CCDC192: variants seen among roughly 807,000 people sequenced by gnomAD.
CCDC192 encodes the protein coiled-coil domain-containing protein 192.
chr5:127,755,156 GGCCCT>G (rs1325630121), intron 3 of CCDC192, among the ~76,000 whole-genome samples: 2 of 152,116 alleles, frequency 1.3e-5, no homozygotes, highest in African/African-American at 4.8e-5. Context: ...GGATGGAGGA[GGCCCT>G]GCAATGTTAG....
intron 1 of CCDC192, among the ~76,000 whole-genome samples, chr5:127,706,355 C>T (rs1042390461): frequency 4.0e-5 from 6 of 151,780 alleles, no homozygotes; most frequent in Middle Eastern, 6.8e-3. Context: ...GGTGAAACCC[C>T]GTCTCTACCA....
chr5:127,711,680 A>G (rs942819636), intron 2 of CCDC192, among the ~76,000 whole-genome samples: 14 of 152,196 alleles, frequency 9.2e-5, no homozygotes, highest in African/African-American at 3.4e-4. Flanking sequence ...AAGGTTATCA[A>G]TATATCATTT....
chr5:127,797,731 GTATATATATATATATATATATATATA>G (rs146458343), intron 4 of CCDC192, among the ~76,000 whole-genome samples: 66 of 21,044 alleles, frequency 3.1e-3, no homozygotes, highest in East Asian at 5.4e-3. Flanking sequence ...TCATGTGAAG[GTATATATATATATATATATATATATA>G]TATATATATA....
chr5:127,781,932 C>G (rs556938788), intron 3 of CCDC192, among the ~76,000 whole-genome samples: 1 of 152,250 alleles, frequency 6.6e-6, no homozygotes, highest in Admixed American at 6.5e-5. Flanking sequence ...AGAGAATATG[C>G]TTTCAACTTT....
At chr5:127,717,761 G>T (rs1237516601) in intron 2 of CCDC192, among the ~76,000 whole-genome samples, 3 of 151,696 alleles carry the variant, frequency 2.0e-5, no homozygotes, top group Non-Finnish European at 4.4e-5. Context: ...GTCATTGTGA[G>T]GGCTCTATCC....
chr5:127,820,319 C>T lies in CCDC192; in HGVS notation c.411+22157C>T, dbSNP rs541456715. Among the ~76,000 whole-genome samples, 14 of 152,336 alleles carry T rather than the reference C, an allele frequency of 9.2e-5. No individual in the cohort carries two copies. The East Asian group carries it at 2.1e-3, about 23-fold the overall frequency. On this transcript the variant is annotated intron_variant, in intron 5 of 6. Coordinates refer to ENST00000514853, the MANE Select transcript of CCDC192 (RefSeq NM_001317938.2). ...AATGTCGGCTGGGTGTGGTGGCTCA[C>T]GCCTGTAATCCCAGCACTTTGGGAG... is the stretch of plus-strand genomic sequence containing the variant.
chr5:127,933,805 A>G (rs772541710), intron 6 of CCDC192, among the ~76,000 whole-genome samples: 1 of 152,210 alleles, frequency 6.6e-6, no homozygotes, highest in Non-Finnish European at 1.5e-5. Context: ...AATGCTTTAT[A>G]AAAGAATCTT....
intron 3 of CCDC192, among the ~76,000 whole-genome samples, chr5:127,792,820 AAGAAGAAGGAGG>A (rs1756953628): frequency 6.7e-6 from 1 of 149,598 alleles, no homozygotes; most frequent in African/African-American, 2.5e-5. Flanking sequence ...GAGGAAGAAG[AAGAAGAAGGAGG>A]AGGAGGAGGA....
chr5:127,902,203 G>T (rs1753055415), intron 6 of CCDC192, among the ~76,000 whole-genome samples: 1 of 151,996 alleles, frequency 6.6e-6, no homozygotes, highest in Non-Finnish European at 1.5e-5. Flanking sequence ...ACCTGAGATG[G>T]GGAGGTTTCA....
At position 127,936,800 on chromosome 5, in the gene CCDC192, C is replaced by T. The variant is rs376738069; in HGVS notation, c.536-4382C>T. On this transcript the variant is annotated intron_variant, in intron 6 of 6. Coordinates refer to ENST00000514853, the MANE Select transcript of CCDC192 (RefSeq NM_001317938.2). ...TCAGATAACAGCACCTCCAGGCTTC[C>T]GGGAGACCCGCCTTGGCAAGACTGA... Among the ~76,000 whole-genome samples the T allele has an allele frequency of 5.3e-5, 8 of 152,270 alleles. No homozygotes were observed. The East Asian group carries it at 5.8e-4, about 11-fold the overall frequency.
intron 5 of CCDC192, among the ~76,000 whole-genome samples, chr5:127,838,023 C>T (rs1261462443): frequency 6.6e-6 from 1 of 152,100 alleles, no homozygotes; most frequent in Non-Finnish European, 1.5e-5. Context: ...GGCCAGATTC[C>T]ATAACATAGA....
intron 6 of CCDC192, among the ~76,000 whole-genome samples, chr5:127,925,263 T>TAACTCTATTACCA (rs776151748): frequency 1.3e-5 from 2 of 152,022 alleles, no homozygotes; most frequent in African/African-American, 4.8e-5. Context: ...TATCAGAAGA[T>TAACTCTATTACCA]TTCCTAAACT....
Position 127,754,316 on chromosome 5 carries a change from G to C in CCDC192, c.163G>C (p.Glu55Gln), listed in dbSNP as rs1035420734. 1 of 398,558 alleles carries C rather than the reference G, an allele frequency of 2.5e-6. No homozygotes were observed. The highest frequency in any genetic ancestry group is 1.3e-4 in the South Asian group (1 of 7,848). The allele number at this position is 398,558 out of a possible 1,614,324, so 24.7% of individuals were successfully genotyped here. The change falls in exon 3 of 7, where the codon GAG becomes CAG. Residue 55 changes from glutamate (E) to glutamine (Q), a missense_variant. Coordinates refer to ENST00000514853, the MANE Select transcript of CCDC192 (RefSeq NM_001317938.2). ...GATGGCGTTTACCTTGGCCCAACTT[G>C]AGTCCTTGGAGATTTGCCTGAAAGA... ...GQMAFTLAQLESLEICLKEAE... is the reference protein window; with the variant it reads ...GQMAFTLAQLQSLEICLKEAE...
chr5:127,858,214 C>T (rs1751187482), intron 5 of CCDC192, among the ~76,000 whole-genome samples: 1 of 152,174 alleles, frequency 6.6e-6, no homozygotes, highest in African/African-American at 2.4e-5. Flanking sequence ...CAATCACCTC[C>T]CATTGCTTTT....
intron 3 of CCDC192, 94 bp downstream of exon 3, chr5:127,754,469 T>G: frequency 2.8e-6 from 1 of 352,198 alleles, no homozygotes; most frequent in Non-Finnish European, 5.0e-6. Context: ...CTCCCTCTAC[T>G]GATACACACA....
chr5:127,901,104 A>G (rs1753026560), intron 6 of CCDC192, among the ~76,000 whole-genome samples: 1 of 152,242 alleles, frequency 6.6e-6, no homozygotes, highest in South Asian at 2.1e-4. Context: ...GACTTAAATT[A>G]TAATCAATTT....
intron 2 of CCDC192, among the ~76,000 whole-genome samples, chr5:127,717,872 G>T (rs1278414284): frequency 2.1e-5 from 3 of 145,244 alleles, no homozygotes; most frequent in African/African-American, 7.7e-5. Flanking sequence ...TTATGTGCCT[G>T]GGAAAAGTTT....
chr5:127,706,547 A>AT (rs35053788), intron 1 of CCDC192, among the ~76,000 whole-genome samples: 2 of 150,848 alleles, frequency 1.3e-5, no homozygotes, highest in African/African-American at 4.9e-5. Context: ...AAAAAAAAAA[A>AT]GTAAGGCTTT....
At chr5:127,789,135 T>G (rs1349943271) in intron 3 of CCDC192, among the ~76,000 whole-genome samples, 1 of 152,238 alleles carries the variant, frequency 6.6e-6, no homozygotes, top group Admixed American at 6.5e-5. Flanking sequence ...GTGATATTTG[T>G]TATAGAAGTC....
Sources: gnomAD v4.1 joint callset for allele counts (sites outside exome capture counted in the v4.1 genomes callset) on GRCh38, gnomAD v4.1.1 for gene constraint, MANE v1.5 for transcripts, NCBI Gene and HGNC (gene_info 2026-07-23, HGNC 2026-07-21) for gene names.